Variants in FGF12 observed in about 807,000 individuals in gnomAD.
FGF12 encodes the protein fibroblast growth factor 12B.
A neutral mutation model predicts 23.6 loss-of-function variants in FGF12; 14 were observed. That is an observed-to-expected ratio of 0.59 (90% CI 0.39 to 0.93). The LOEUF (loss-of-function observed/expected upper bound fraction) is 0.93. Among genes scored for constraint, FGF12 ranks in the 40% least tolerant of loss-of-function variants. The pLI is 0.00. For missense variants in FGF12, 175 were observed against 217.8 expected (o/e 0.80, Z 1.24); for synonymous variants, 62 against 77.3 (o/e 0.80, Z 1.04).
intron 2 of FGF12, among the ~76,000 whole-genome samples, chr3:192,558,941 A>G (rs893837192): frequency 6.6e-6 from 1 of 152,024 alleles, no homozygotes; most frequent in Non-Finnish European, 1.5e-5. Flanking sequence ...ACCATAAACA[A>G]AAATAAACTC....
At chr3:192,725,283 T>C (rs1429592807) in intron 2 of FGF12, among the ~76,000 whole-genome samples, 1 of 129,594 alleles carries the variant, frequency 7.7e-6, no homozygotes, top group Admixed American at 7.4e-5. Context: ...ACTTTCATCA[T>C]GTTTTTTTTT....
intron 2 of FGF12, among the ~76,000 whole-genome samples, chr3:192,497,133 T>C (rs187976010): frequency 5.5e-4 from 84 of 152,288 alleles, no homozygotes; most frequent in African/African-American, 1.9e-3. Context: ...CAGAACACTT[T>C]ATTCCTCCGC....
rs139865389 is a variant in FGF12, at chr3:192,162,241, T to C, written c.427+8217A>G. Among the ~76,000 whole-genome samples the C allele has an allele frequency of 1.9e-3, 296 of 152,222 alleles. 1 individual carries two copies. Among genetic ancestry groups the C allele is most frequent in the African/African-American group, 7.0e-3 (289 of 41,568 alleles). ...AGCAATTTCACACCTGAATTAATGT[T>C]ACATGGGATCCTTTTGGAACTCTGG... is the stretch of plus-strand genomic sequence containing the variant. On this transcript the variant is annotated intron_variant, in intron 5 of 5. Transcript: ENST00000445105.
chr3:192,542,481 C>T (rs1725393241), intron 2 of FGF12, among the ~76,000 whole-genome samples: 1 of 152,186 alleles, frequency 6.6e-6, no homozygotes. Context: ...ATATCTCTGT[C>T]TCTCTAGGAT....
At chr3:192,512,857 T>TATAA (rs1475111736) in intron 2 of FGF12, among the ~76,000 whole-genome samples, 1 of 133,938 alleles carries the variant, frequency 7.5e-6, no homozygotes, top group Non-Finnish European at 1.6e-5. Context: ...TATATATATA[T>TATAA]ATAACAGGCT....
At chr3:192,322,499 C>T (rs557399600) in intron 4 of FGF12, among the ~76,000 whole-genome samples, 265 of 132,582 alleles carry the variant, frequency 2.0e-3, no homozygotes, top group African/African-American at 9.3e-3. Flanking sequence ...TTAAACCACA[C>T]GCAGACACAC....
chr3:192,420,943 G>A (rs1525911), intron 2 of FGF12, among the ~76,000 whole-genome samples: 60,838 of 151,814 alleles, frequency 0.4, 12,551 homozygotes, highest in East Asian at 0.6. Flanking sequence ...AAAACCAATT[G>A]GAGAAAACTG....
intron 2 of FGF12, among the ~76,000 whole-genome samples, chr3:192,622,112 T>C (rs745864652): frequency 6.6e-6 from 1 of 152,154 alleles, no homozygotes; most frequent in Non-Finnish European, 1.5e-5. Flanking sequence ...ACGCACAGCA[T>C]GGCTTCTCTG....
intron 4 of FGF12, among the ~76,000 whole-genome samples, chr3:192,173,334 A>G (rs34481755): frequency 0.093 from 13,951 of 150,732 alleles, 1,125 homozygotes; most frequent in East Asian, 0.12. Context: ...TGATTAAAGA[A>G]AGTGAGGGAA....
At chr3:192,378,313 G>A (rs1162848223) in intron 2 of FGF12, among the ~76,000 whole-genome samples, 1 of 149,536 alleles carries the variant, frequency 6.7e-6, no homozygotes, top group African/African-American at 2.6e-5. Context: ...TTTTTGCCAT[G>A]TTGCCCAGGC....
At chr3:192,296,443 C>A (rs903915071) in intron 4 of FGF12, among the ~76,000 whole-genome samples, 1 of 151,956 alleles carries the variant, frequency 6.6e-6, no homozygotes, top group African/African-American at 2.4e-5. Context: ...AGGCTGGTCT[C>A]AAACTCCTGA....
At chr3:192,282,474 G>A (rs2108641131) in intron 4 of FGF12, among the ~76,000 whole-genome samples, 1 of 152,150 alleles carries the variant, frequency 6.6e-6, no homozygotes, top group African/African-American at 2.4e-5. Flanking sequence ...CTCCCACTAT[G>A]AGATGTTTGA....
intron 3 of FGF12, among the ~76,000 whole-genome samples, chr3:192,359,689 T>C (rs898255304): frequency 3.9e-5 from 6 of 152,272 alleles, no homozygotes; most frequent in Admixed American, 2.0e-4. Flanking sequence ...CATACCGTGA[T>C]GATTGCATTT....
At chr3:192,202,777 G>A (rs557665091) in intron 4 of FGF12, among the ~76,000 whole-genome samples, 1 of 152,178 alleles carries the variant, frequency 6.6e-6, no homozygotes, top group East Asian at 1.9e-4. Context: ...CTTGCTTAGA[G>A]GAATACAAAT....
intron 4 of FGF12, among the ~76,000 whole-genome samples, chr3:192,277,546 A>G (rs1029810399): frequency 3.3e-5 from 5 of 152,194 alleles, no homozygotes; most frequent in African/African-American, 1.2e-4. Context: ...TTGGTCCACA[A>G]GAGGCAAATC....
intron 4 of FGF12, among the ~76,000 whole-genome samples, chr3:192,321,834 A>G (rs976445529): frequency 1.3e-5 from 2 of 152,154 alleles, no homozygotes; most frequent in Admixed American, 6.5e-5. Context: ...AATAAAAGCC[A>G]TACATCGCAG....
intron 2 of FGF12, among the ~76,000 whole-genome samples, chr3:192,464,817 G>C (rs1722964954): frequency 6.6e-6 from 1 of 152,168 alleles, no homozygotes; most frequent in South Asian, 2.1e-4. Context: ...GTTAAAAACA[G>C]GTGTGGCAAT....
intron 2 of FGF12, among the ~76,000 whole-genome samples, chr3:192,420,023 A>C (rs1721473430): frequency 6.6e-6 from 1 of 152,182 alleles, no homozygotes; most frequent in African/African-American, 2.4e-5. Context: ...GCTCCCCTGG[A>C]AAGGCCAGGG....
chr3:192,220,872 T>C (rs1402513750), intron 4 of FGF12, among the ~76,000 whole-genome samples: 1 of 152,248 alleles, frequency 6.6e-6, no homozygotes, highest in Admixed American at 6.5e-5. Context: ...TGATAATCTG[T>C]GAATCCTCTC....
Sources: gnomAD v4.1 joint callset for allele counts (sites outside exome capture counted in the v4.1 genomes callset) on GRCh38, gnomAD v4.1.1 for gene constraint, MANE v1.5 for transcripts, NCBI Gene and HGNC (gene_info 2026-07-23, HGNC 2026-07-21) for gene names.